The following UQCC2 variants were observed in gnomAD, a reference collection of about 807,000 sequenced individuals.
UQCC2 encodes ubiquinol-cytochrome c reductase complex assembly factor 2, also known as breast cancer-associated protein SGA-81M.
A neutral mutation model predicts 19.9 loss-of-function variants in UQCC2; 21 were observed. The ratio of observed to expected loss-of-function variants is 1.05; its 90% CI spans 0.75 to 1.52. The LOEUF (loss-of-function observed/expected upper bound fraction) is 1.52, where lower values mean the gene tolerates loss of function less well. Among genes scored for constraint, UQCC2 ranks in the 40% most tolerant of loss-of-function variants. The pLI, the probability that UQCC2 is intolerant of heterozygous loss-of-function variation, is 0.00. For synonymous variants in UQCC2, 57 were observed against 60.9 expected (o/e 0.94, Z 0.30); for missense variants, 135 against 157.5 (o/e 0.86, Z 0.76).
intron 1 of UQCC2, 114 bp downstream of exon 1, chr6:33,711,435 G>A (rs1432625873): frequency 1.3e-5 from 19 of 1,417,874 alleles, no homozygotes; most frequent in Non-Finnish European, 1.8e-5. Context: ...GCGCTCACGT[G>A]CTGCCTGGAA....
Position 33,711,660 on chromosome 6 carries a change from A to G in UQCC2, c.27T>C (p.Phe9=). The change falls in exon 1 of 4, where the codon TTT becomes TTC. Residue 9 remains phenylalanine (F), a synonymous_variant. Transcript: ENST00000607484. MAASRYRR[F]LKLCEEWPVD... is the part of the protein sequence containing the mutation. The stretch of plus-strand genomic sequence containing the variant: ...CTGGCCATTCCTCACAGAGCTTAAG[A>G]AAACGCCGGTACCGGCTGGCCGCCA... The G allele has an allele frequency of 1.9e-6, 3 of 1,612,914 alleles. No individual in the cohort carries two copies. Among genetic ancestry groups the G allele is most frequent in the Non-Finnish European group, 2.5e-6 (3 of 1,179,660 alleles).
chr6:33,701,305 C>T (rs542160744), intron 2 of UQCC2, 41 bp downstream of exon 2: 40 of 1,570,086 alleles, frequency 2.5e-5, no homozygotes, highest in Middle Eastern at 1.7e-4. Flanking sequence ...TTAGTTGTCC[C>T]GTCAGAAAGC....
rs658087 is a variant in UQCC2 at position 33,697,243 on chromosome 6, T to A, written c.*410A>T. 0.11 allele frequency: 18,258 copies of A among 164,694 alleles called. 1,207 individuals are homozygous for A. The highest frequency in any genetic ancestry group is 0.15 in the Non-Finnish European group (11,432 of 75,956). The allele number at this position is 164,694 out of a possible 1,614,324, so 10.2% of individuals were successfully genotyped here. ...CTTTCTGTTTGCAACAGGATGCCCT[T>A]TTCAGTATTTACTGCTATTTTTGGC... is the stretch of plus-strand genomic sequence containing the variant. On this transcript the variant is annotated 3_prime_UTR_variant, in exon 4 of 4. Transcript: ENST00000607484.
intron 3 of UQCC2, chr6:33,697,995 C>A (rs1260335249): frequency 1.9e-6 from 1 of 521,280 alleles, no homozygotes; most frequent in East Asian, 3.3e-5. Context: ...CCTGCCCTCT[C>A]CTCACCCTCG....
At position 33,697,867 on chromosome 6, in the gene UQCC2, C is replaced by G; in HGVS notation, c.284-117G>C. ...GGCTTGCTTTTCACACAGTGTGTTCCTGAAAAAGGTGGAGACCCAGCTCCT... is the reference window on the plus strand; with the variant it reads ...GGCTTGCTTTTCACACAGTGTGTTCGTGAAAAAGGTGGAGACCCAGCTCCT... On this transcript the variant is annotated intron_variant, in intron 3 of 3. Transcript: ENST00000607484. The G allele has an allele frequency of 3.8e-6, 3 of 793,102 alleles. No individual in the cohort carries two copies. In the South Asian group the frequency reaches 5.3e-5, roughly 14 times the overall value. The allele number at this position is 793,102 out of a possible 1,614,324, so 49.1% of individuals were successfully genotyped here. A position where few individuals can be genotyped will look rare whatever the true frequency, so the allele number is the denominator to read the frequency against.
chr6:33,703,607 A>G (rs991374449), intron 1 of UQCC2, among the ~76,000 whole-genome samples: 6 of 145,522 alleles, frequency 4.1e-5, no homozygotes, highest in Non-Finnish European at 9.0e-5. Flanking sequence ...CAGGCAAACC[A>G]CTCACTCTTC....
At position 33,711,562 on chromosome 6, in the gene UQCC2, C is replaced by A. The variant is rs765761436; in HGVS notation, c.125G>T (p.Gly42Val). Residue 42 changes from glycine to valine, a missense_variant, in exon 1 of 4, where the codon GGA becomes GTA. By Grantham distance (109) the Gly-to-Val change is moderately radical. Coordinates refer to ENST00000607484, the MANE Select transcript of UQCC2 (RefSeq NM_032340.4). ...CCCGCCGGTCACCTGGGTATTCTCT[C>A]CCTCCCGAAAGGCCTGTGCTACCCG... Reference protein sequence around the residue: ...RQRVAQAFREGENTQVAEPEA... With the variant: ...RQRVAQAFREVENTQVAEPEA... 1 of 1,609,326 alleles carries A rather than the reference C, an allele frequency of 6.2e-7. No individual in the cohort carries two copies.
At chr6:33,702,265 C>T (rs1397795927) in intron 1 of UQCC2, among the ~76,000 whole-genome samples, 1 of 152,088 alleles carries the variant, frequency 6.6e-6, no homozygotes, top group African/African-American at 2.4e-5. Context: ...GCCTCAGCCT[C>T]CCAGAGTGTT....
At position 33,701,390 on chromosome 6, in the gene UQCC2, A is replaced by AC. The variant is rs1245456276; in HGVS notation, c.168dup (p.Tyr57ValfsTer45). On this transcript the variant is annotated frameshift_variant, in exon 2 of 4. Transcript: ENST00000607484. LOFTEE classifies it high-confidence loss of function. ...GAATGGAGTCGCGCTAAGCTCTCGT[A>AC]CATCTGATCACAGGCCTCAGGCTCT... 4.3e-6 allele frequency: 7 copies of AC among 1,613,882 alleles called. No individual in the cohort carries two copies. In the South Asian group the frequency reaches 7.7e-5, roughly 18 times the overall value.
At chr6:33,699,360 T>C (rs927937822) in intron 3 of UQCC2, among the ~76,000 whole-genome samples, 3 of 152,110 alleles carry the variant, frequency 2.0e-5, no homozygotes, top group Admixed American at 6.6e-5. Flanking sequence ...TTGCTGCCTG[T>C]TTTCCACTTG....
At chr6:33,709,931 G>T (rs762526149) in intron 1 of UQCC2, among the ~76,000 whole-genome samples, 1 of 152,168 alleles carries the variant, frequency 6.6e-6, no homozygotes, top group Non-Finnish European at 1.5e-5. Context: ...TTGCCACTTG[G>T]AAATCAGTGT....
chr6:33,700,619 GGCCT>G, intron 2 of UQCC2, 106 bp from the exon 3 acceptor site: 1 of 1,183,806 alleles, frequency 8.4e-7, no homozygotes, highest in South Asian at 1.3e-5. Flanking sequence ...GAGGCCAGGA[GGCCT>G]AGCAAGGAGA....
At chr6:33,706,697 A>G (rs1435102251) in intron 1 of UQCC2, among the ~76,000 whole-genome samples, 1 of 151,918 alleles carries the variant, frequency 6.6e-6, no homozygotes, top group Non-Finnish European at 1.5e-5. Context: ...GAGGCACAGG[A>G]CAAGAGTGTT....
chr6:33,697,761 G>C lies in UQCC2; in HGVS notation c.284-11C>G. 1 of 1,605,492 alleles carries C rather than the reference G, an allele frequency of 6.2e-7. No individual in the cohort carries two copies. The highest frequency in any genetic ancestry group is 8.5e-7 in the Non-Finnish European group (1 of 1,175,542). On this transcript the variant is annotated splice_polypyrimidine_tract_variant and intron_variant, in intron 3 of 3. Transcript: ENST00000607484. ...GCTCTTCCAAGGTGTCTGCAAAAGG[G>C]GAAGACAAAAAGAGAGAGGGACTGA...
At chr6:33,701,538 G>A (rs1765640357) in intron 1 of UQCC2, 118 bp from the exon 2 acceptor site, 1 of 949,834 alleles carries the variant, frequency 1.1e-6, no homozygotes, top group East Asian at 2.7e-5. Context: ...CCTGCAGCTA[G>A]CACTGGCTTC....
chr6:33,698,079 G>C (rs1346990225), intron 3 of UQCC2: 1 of 245,450 alleles, frequency 4.1e-6, no homozygotes, highest in East Asian at 9.3e-5. Context: ...GCTGTCCGCT[G>C]TGCAACCCAC....
intron 1 of UQCC2, 141 bp downstream of exon 1, chr6:33,711,408 G>T: frequency 8.0e-7 from 1 of 1,247,108 alleles, no homozygotes; most frequent in Non-Finnish European, 1.1e-6. Flanking sequence ...TAGCTCCCTG[G>T]GGGAAAAAGG....
At chr6:33,700,273 C>T (rs1375321776) in intron 3 of UQCC2, among the ~76,000 whole-genome samples, 171 bp downstream of exon 3, 1 of 152,220 alleles carries the variant, frequency 6.6e-6, no homozygotes, top group African/African-American at 2.4e-5. Flanking sequence ...CTTTGACCTT[C>T]TCCACAGTAT....
intron 1 of UQCC2, among the ~76,000 whole-genome samples, chr6:33,704,602 C>T (rs1038409888): frequency 1.3e-5 from 2 of 152,148 alleles, no homozygotes; most frequent in African/African-American, 4.8e-5. Flanking sequence ...CTTATCTGGA[C>T]CTTCCCGTCC....
Sources: allele counts gnomAD v4.1 joint callset (sites outside exome capture counted in the v4.1 genomes callset), GRCh38; gene constraint gnomAD v4.1.1; transcripts MANE v1.5; gene names NCBI Gene and HGNC (gene_info 2026-07-23, HGNC 2026-07-21).